FBXL17: variants seen among roughly 807,000 people sequenced by gnomAD.
The protein encoded by FBXL17 is F-box/LRR-repeat protein 17.
In FBXL17, 22 loss-of-function variants were observed where a neutral mutation model predicts 66.2. The observed-to-expected ratio is 0.33, with a 90% CI of 0.24 to 0.47. The LOEUF (loss-of-function observed/expected upper bound fraction) is 0.47. FBXL17 is among the 20% of genes least tolerant of loss of function. The pLI is 1.00. For missense variants in FBXL17, 878 were observed against 948.2 expected, an observed-to-expected ratio of 0.93 and a Z score of 0.97; for synonymous variants, 474 against 400.5, an observed-to-expected ratio of 1.18 and a Z score of -2.19.
At chr5:108,028,039 G>C (rs1331447664) in intron 6 of FBXL17, among the ~76,000 whole-genome samples, 1 of 152,118 alleles carries the variant, frequency 6.6e-6, no homozygotes, top group Non-Finnish European at 1.5e-5. Flanking sequence ...GACAGCAGAA[G>C]AGAAGACTTT....
intron 7 of FBXL17, among the ~76,000 whole-genome samples, chr5:107,960,846 T>C (rs1209196261): frequency 1.3e-5 from 2 of 152,150 alleles, no homozygotes; most frequent in Non-Finnish European, 2.9e-5. Context: ...GAAATCGAGA[T>C]ACAGGTAAGT....
intron 6 of FBXL17, among the ~76,000 whole-genome samples, chr5:108,166,263 T>C (rs958936319): frequency 1.3e-5 from 2 of 152,188 alleles, no homozygotes; most frequent in African/African-American, 4.8e-5. Context: ...TTTACCTGCA[T>C]GCATGGGCCT....
intron 6 of FBXL17, among the ~76,000 whole-genome samples, chr5:108,097,330 T>C (rs1561407968): frequency 6.6e-6 from 1 of 152,230 alleles, no homozygotes; most frequent in South Asian, 2.1e-4. Context: ...TCAGGTAGTA[T>C]CTTTCTGGCA....
At chr5:108,122,399 C>T (rs4957741) in intron 6 of FBXL17, among the ~76,000 whole-genome samples, 44,908 of 152,068 alleles carry the variant, frequency 0.3, 7,640 homozygotes, top group Admixed American at 0.4. Context: ...TAAAGAAATA[C>T]ATTTTAATTT....
At chr5:108,328,829 G>A (rs17161242) in intron 4 of FBXL17, among the ~76,000 whole-genome samples, 4,076 of 151,902 alleles carry the variant, frequency 0.027, 169 homozygotes, top group African/African-American at 0.093. Flanking sequence ...AGTTTTGACA[G>A]GTAACTGACT....
intron 7 of FBXL17, among the ~76,000 whole-genome samples, chr5:107,916,565 C>T (rs903488192): frequency 6.6e-6 from 1 of 151,876 alleles, no homozygotes; most frequent in East Asian, 1.9e-4. Flanking sequence ...AGATATTCAA[C>T]AATAAATAGA....
At chr5:108,217,366 T>C (rs1395933126) in intron 5 of FBXL17, among the ~76,000 whole-genome samples, 1 of 152,070 alleles carries the variant, frequency 6.6e-6, no homozygotes, top group Non-Finnish European at 1.5e-5. Context: ...TGAAACAATA[T>C]ATACCCTTGT....
At chr5:108,077,058 T>C (rs1207678076) in intron 6 of FBXL17, among the ~76,000 whole-genome samples, 1 of 152,142 alleles carries the variant, frequency 6.6e-6, no homozygotes, top group African/African-American at 2.4e-5. Context: ...GAACCTCAAG[T>C]TATTTTGGGA....
At chr5:108,097,017 C>A (rs1432918378) in intron 6 of FBXL17, among the ~76,000 whole-genome samples, 1 of 152,112 alleles carries the variant, frequency 6.6e-6, no homozygotes, top group East Asian at 1.9e-4. Context: ...CTCTGTGTCC[C>A]CATCCAAATC....
At chr5:107,880,544 C>T in intron 8 of FBXL17, 1 of 1,009,898 alleles carries the variant, frequency 9.9e-7, no homozygotes, top group Non-Finnish European at 1.2e-6. Flanking sequence ...TGCAAATTCC[C>T]ACATACCCCC....
At position 108,161,867 on chromosome 5, in the gene FBXL17, T is replaced by C. The variant is rs138066968; in HGVS notation, c.1745+24250A>G. Among the ~76,000 whole-genome samples the C allele has an allele frequency of 2.8e-4, 43 of 152,326 alleles. No homozygotes were observed. In the East Asian group the frequency reaches 8.1e-3, roughly 29 times the overall value. ...TATAAAAGGCAGGTTAAGGAATTTA[T>C]TGTACAATGTGTGAAAATCTAGGTT... On this transcript the variant is annotated intron_variant, in intron 6 of 8. Transcript: ENST00000542267.
At position 108,181,848 on chromosome 5, in the gene FBXL17, A is replaced by C. The variant is rs143123543; in HGVS notation, c.1745+4269T>G. On this transcript the variant is annotated intron_variant, in intron 6 of 8. Transcript: ENST00000542267. The stretch of plus-strand genomic sequence containing the variant: ...TATGTGAATCCCAGCTATGACGCGG[A>C]AAATTGACTGATTAGCCATTCACTT... Among the ~76,000 whole-genome samples, 38 of 152,308 alleles carry C rather than the reference A, an allele frequency of 2.5e-4. No individual in the cohort carries two copies. The East Asian group carries it at 6.4e-3, about 25-fold the overall frequency.
intron 6 of FBXL17, among the ~76,000 whole-genome samples, chr5:108,032,813 C>T (rs903971420): frequency 6.6e-6 from 1 of 152,086 alleles, no homozygotes; most frequent in South Asian, 2.1e-4. Context: ...ACAGTAGTCA[C>T]AGGAAACTAA....
chr5:107,997,971 A>C (rs1328830598), intron 7 of FBXL17, among the ~76,000 whole-genome samples: 3 of 152,264 alleles, frequency 2.0e-5, no homozygotes, highest in Non-Finnish European at 2.9e-5. Flanking sequence ...ACACTACAGA[A>C]GGTTATTCTA....
chr5:108,118,728 TC>T (rs1425574267), intron 6 of FBXL17, among the ~76,000 whole-genome samples: 2 of 152,198 alleles, frequency 1.3e-5, no homozygotes, highest in African/African-American at 4.8e-5. Context: ...CCATAGTCCT[TC>T]ATGCTCCAAC....
rs886261792 is a variant in FBXL17 at position 108,364,936 on chromosome 5, G to A, written c.1176C>T (p.Asn392=). The change falls in exon 3 of 9, where the codon AAC becomes AAT. Residue 392 remains asparagine (N), a synonymous_variant. Transcript: ENST00000542267. The stretch of plus-strand genomic sequence containing the variant: ...CAGACATACTGCGACAATCAGAAAT[G>A]TTGATTTCAATTATATTCTGACTTC... ...ASRSQNIIEI[N]ISDCRSMSDN... 1.2e-6 allele frequency: 2 copies of A among 1,611,438 alleles called. No homozygotes were observed. Among genetic ancestry groups the A allele is most frequent in the Non-Finnish European group, 1.7e-6 (2 of 1,178,094 alleles).
intron 4 of FBXL17, among the ~76,000 whole-genome samples, chr5:108,285,103 C>T (rs1757845291): frequency 6.6e-6 from 1 of 151,856 alleles, no homozygotes; most frequent in Non-Finnish European, 1.5e-5. Flanking sequence ...CTCAAGAAAC[C>T]ACTTTCTTTG....
rs113648349 is a variant in FBXL17 at position 108,244,260 on chromosome 5, A to AAG, written c.1507-20033_1507-20032insCT. ...CTTAACTGGCTGGTCATAATATGGA[A>AAG]GCATTTTAAGTATAATTCTTATATT... On this transcript the variant is annotated intron_variant, in intron 4 of 8. Coordinates refer to ENST00000542267, the MANE Select transcript of FBXL17 (RefSeq NM_001163315.3). Among the ~76,000 whole-genome samples the AAG allele has an allele frequency of 4.9e-3, 740 of 152,264 alleles. 11 individuals carry two copies. The highest frequency in any genetic ancestry group is 0.017 in the African/African-American group (703 of 41,574).
intron 7 of FBXL17, among the ~76,000 whole-genome samples, chr5:107,989,122 C>T (rs568351198): frequency 2.0e-5 from 3 of 152,008 alleles, no homozygotes; most frequent in Non-Finnish European, 4.4e-5. Context: ...TAAACATTTA[C>T]CATTTCTTTG....
Sources: gnomAD v4.1 joint callset for allele counts (sites outside exome capture counted in the v4.1 genomes callset) on GRCh38, gnomAD v4.1.1 for gene constraint, MANE v1.5 for transcripts, NCBI Gene and HGNC (gene_info 2026-07-23, HGNC 2026-07-21) for gene names.